Variants in COL6A1 observed in about 807,000 individuals in gnomAD.
The protein encoded by COL6A1 is collagen alpha-1(VI) chain.
Under a neutral mutation model 145.6 loss-of-function variants are expected in COL6A1, and 80 were observed. That is an observed-to-expected ratio of 0.55 (90% confidence interval 0.46 to 0.66). The LOEUF is 0.66. COL6A1 is among the 30% of genes least tolerant of loss of function. The probability of loss-of-function intolerance (pLI) is 0.00; values close to 1 mark genes in which losing one functional copy is unlikely to be tolerated. For missense variants in COL6A1, 1,364 were observed against 1,473.8 expected, an observed-to-expected ratio of 0.93 and a Z score of 1.22; for synonymous variants, 638 against 622.8, an observed-to-expected ratio of 1.02 and a Z score of -0.36.
rs1223868298 is a variant in COL6A1, at chr21:45,990,997, G to A, written c.1075G>A (p.Gly359Ser). 1.2e-6 allele frequency: 2 copies of A among 1,613,444 alleles called. No individual in the cohort carries two copies. The highest frequency in any genetic ancestry group is 2.2e-5 in the East Asian group (1 of 44,870). ...TCTCCAGGGCATTCAAGGACCCCCTGGCCCCAAGGGAGACCCCGGTGCCTT... is the reference window on the plus strand; with the variant it reads ...TCTCCAGGGCATTCAAGGACCCCCTAGCCCCAAGGGAGACCCCGGTGCCTT... ...PGFDGIQGPP[G>S]PKGDPGAFGL... Residue 359 changes from glycine to serine, a missense_variant, in exon 15 of 35, where the codon GGC (glycine) becomes AGC (serine). Physicochemically the swap from Gly to Ser is moderately conservative, Grantham distance 56. Around this residue, in one of 3 missense-constraint regions of COL6A1, gnomAD observed 938 missense variants for 1,003.8 expected, o/e 0.93. Transcript: ENST00000361866.
chr21:45,992,434 C>G (rs1183679245), intron 18 of COL6A1, 36 bp downstream of exon 18: 1 of 1,608,264 alleles, frequency 6.2e-7, no homozygotes, highest in South Asian at 1.1e-5. Context: ...CTGTTGGCCT[C>G]ACCATGTAGC....
At position 46,003,158 on chromosome 21, in the gene COL6A1, C is replaced by G. The variant is rs368651226; in HGVS notation, c.2464+9C>G. The G allele has an allele frequency of 1.9e-6, 3 of 1,614,020 alleles. No individual in the cohort carries two copies. Among genetic ancestry groups the G allele is most frequent in the Non-Finnish European group, 2.5e-6 (3 of 1,179,968 alleles). On this transcript the variant is annotated intron_variant, in intron 34 of 34. Transcript: ENST00000361866. ...AGATTACACCTGCCCCAGTGAGTAC[C>G]TCGGCGGCCGGGACACGTGGGGAGG... is the stretch of plus-strand genomic sequence containing the variant.
chr21:45,998,364 A>G (rs755651753), intron 23 of COL6A1, 34 bp from the exon 24 acceptor site: 4 of 1,612,932 alleles, frequency 2.5e-6, no homozygotes. Context: ...CTCAAATCAG[A>G]ACCCGGTATC....
At chr21:46,000,856 T>C in intron 29 of COL6A1, 89 bp downstream of exon 29, 1 of 1,473,158 alleles carries the variant, frequency 6.8e-7, no homozygotes, top group South Asian at 1.1e-5. Context: ...GGACAGCACA[T>C]GGCACTCTGG....
At position 45,997,773 on chromosome 21, in the gene COL6A1, A is replaced by G; in HGVS notation, c.1524+11A>G. On this transcript the variant is annotated intron_variant, in intron 22 of 34. Transcript: ENST00000361866. ...CTGATGGGTGAAAGGGTGAGTGTCC[A>G]ACAGCTCGGGCCCTAGGGCGGAGGC... The G allele has an allele frequency of 1.3e-6, 2 of 1,580,732 alleles. No homozygotes were observed. The highest frequency in any genetic ancestry group is 1.8e-5 in the Admixed American group (1 of 55,758).
At chr21:46,000,007 C>CATGGAGGG (rs1569518948) in intron 27 of COL6A1, among the ~76,000 whole-genome samples, 1 of 2,426 alleles carries the variant, frequency 4.1e-4, no homozygotes, top group African/African-American at 1.4e-3. Context: ...CATGGGGGAC[C>CATGGAGGG]CGTGAGGATC....
At chr21:45,996,645 G>GGCCAGGTGGGCCGGGCGA (rs2077806304) in intron 20 of COL6A1, among the ~76,000 whole-genome samples, 1 of 152,186 alleles carries the variant, frequency 6.6e-6, no homozygotes, top group Admixed American at 6.5e-5. Flanking sequence ...GGGCCAGGTG[G>GGCCAGGTGGGCCGGGCGA]GCCAGGTGGG....
Position 46,001,677 on chromosome 21 carries a change from A to G in COL6A1, c.1957-284A>G, listed in dbSNP as rs142763700. On this transcript the variant is annotated intron_variant, in intron 30 of 34. Coordinates refer to ENST00000361866, the MANE Select transcript of COL6A1 (RefSeq NM_001848.3). Reference sequence around the variant, plus strand: ...GGGTGTGGGCTTGTCCCTCGTGGACAGAACCCAGGAGGGCTTCATCCACCA... The same window carrying G: ...GGGTGTGGGCTTGTCCCTCGTGGACGGAACCCAGGAGGGCTTCATCCACCA... 3.6e-3 allele frequency among the ~76,000 whole-genome samples: 542 copies of G among 152,304 alleles called. 6 individuals carry two copies. The highest frequency in any genetic ancestry group is 0.012 in the African/African-American group (514 of 41,574).
chr21:45,987,392 C>G (rs2077745627), intron 6 of COL6A1, 107 bp from the exon 7 acceptor site: 1 of 1,537,794 alleles, frequency 6.5e-7, no homozygotes, highest in African/African-American at 1.4e-5. Flanking sequence ...CCTGTGCGTC[C>G]ATCCGTGTGT....
Position 46,004,239 on chromosome 21 carries a change from C to G in COL6A1, c.*226C>G. 1 of 618,578 alleles carries G rather than the reference C, an allele frequency of 1.6e-6. No individual in the cohort carries two copies. The allele number at this position is 618,578 out of a possible 1,614,324, so 38.3% of individuals were successfully genotyped here. A position where few individuals can be genotyped will look rare whatever the true frequency, so the allele number is the denominator to read the frequency against. On this transcript the variant is annotated 3_prime_UTR_variant, in exon 35 of 35. Coordinates refer to ENST00000361866, the MANE Select transcript of COL6A1 (RefSeq NM_001848.3). Reference sequence around the variant, plus strand: ...CTGCGCAGGGCCCTCTGGGGCTCAGCCCTGAGCTAGTGTCACCTGCACAGG... The same window carrying G: ...CTGCGCAGGGCCCTCTGGGGCTCAGGCCTGAGCTAGTGTCACCTGCACAGG...
At position 46,003,901 on chromosome 21, in the gene COL6A1, C is replaced by T. The variant is rs1316734507; in HGVS notation, c.2975C>T (p.Ala992Val). 27 of 1,602,844 alleles carry T rather than the reference C, an allele frequency of 1.7e-5. No homozygotes were observed. Among genetic ancestry groups the T allele is most frequent in the Non-Finnish European group, 2.1e-5 (25 of 1,172,506 alleles). ...HIRVLVTGKT[A>V]EYDVAYGESH... ...CGCGTCCTGGTCACCGGCAAGACGG[C>T]CGAGTACGACGTGGCCTACGGCGAG... Residue 992 changes from alanine (A) to valine (V), a missense_variant, in exon 35 of 35, where the codon GCC (alanine) becomes GTC (valine). By Grantham distance (64) the Ala-to-Val change is moderately conservative (BLOSUM62 0). Around this residue, in one of 3 missense-constraint regions of COL6A1, gnomAD observed 938 missense variants for 1,003.8 expected, o/e 0.93. Transcript: ENST00000361866.
At chr21:45,991,137 T>C in intron 15 of COL6A1, 96 bp downstream of exon 15, 3 of 1,399,134 alleles carry the variant, frequency 2.1e-6, no homozygotes, top group Non-Finnish European at 2.0e-6. Context: ...GGTCCGAGCA[T>C]GTCGGCCACC....
At chr21:45,989,234 C>T in intron 9 of COL6A1, 97 bp downstream of exon 9, 1 of 1,318,344 alleles carries the variant, frequency 7.6e-7, no homozygotes, top group Non-Finnish European at 1.1e-6. Flanking sequence ...GTTCTGAGTG[C>T]CAAAGTCACA....
In COL6A1 at chr21:46,002,080, C is replaced by T. The variant is rs767948463; in HGVS notation, c.2066+10C>T. On this transcript the variant is annotated intron_variant, in intron 31 of 34. Transcript: ENST00000361866. ...TGCAGGAGCTCAAGGAGTGAGTGCC[C>T]CACGCGGCCAGGACCCTCCCACCCC... 6.2e-7 allele frequency: 1 copy of T among 1,606,210 alleles called. No homozygotes were observed. The highest frequency in any genetic ancestry group is 8.5e-7 in the Non-Finnish European group (1 of 1,177,562).
chr21:45,999,022 G>C (rs551124733), intron 25 of COL6A1, 63 bp downstream of exon 25: 2 of 1,547,762 alleles, frequency 1.3e-6, no homozygotes, highest in East Asian at 4.9e-5. Context: ...CTGGGCCCTT[G>C]AAGGGCAGTG....
At chr21:46,003,179 G>C in intron 34 of COL6A1, 30 bp downstream of exon 34, 2 of 1,614,002 alleles carry the variant, frequency 1.2e-6, no homozygotes, top group Non-Finnish European at 1.7e-6. Flanking sequence ...GGACACGTGG[G>C]GAGGAGGGCA....
chr21:45,997,731 C>A lies in COL6A1; in HGVS notation c.1493C>A (p.Pro498His). The A allele has an allele frequency of 6.3e-7, 1 of 1,596,094 alleles. No individual in the cohort carries two copies. The highest frequency in any genetic ancestry group is 8.5e-7 in the Non-Finnish European group (1 of 1,171,458). The part of the protein sequence containing the change: ...GARGAPGPAG[P>H]PGDPGLMGER... Reference sequence around the variant, plus strand: ...AGAGGAGCCCCAGGACCTGCCGGACCCCCTGGAGACCCGGGGCTGATGGGT... The same window carrying A: ...AGAGGAGCCCCAGGACCTGCCGGACACCCTGGAGACCCGGGGCTGATGGGT... Residue 498 changes from proline (P) to histidine (H), a missense_variant, in exon 22 of 35, where the codon CCC (proline) becomes CAC (histidine). Around this residue, in one of 3 missense-constraint regions of COL6A1, gnomAD observed 938 missense variants for 1,003.8 expected, o/e 0.93. Coordinates refer to ENST00000361866, the MANE Select transcript of COL6A1 (RefSeq NM_001848.3).
intron 31 of COL6A1, 45 bp downstream of exon 31, chr21:46,002,115 C>T: frequency 1.9e-6 from 3 of 1,586,192 alleles, no homozygotes; most frequent in Non-Finnish European, 2.6e-6. Context: ...CTCGCCCCGA[C>T]CGCTGTTCCC....
In COL6A1 at chr21:45,994,316, G is replaced by C; in HGVS notation, c.1398+87G>C. 1 of 1,268,612 alleles carries C rather than the reference G, an allele frequency of 7.9e-7. No individual in the cohort carries two copies. Among genetic ancestry groups the C allele is most frequent in the Non-Finnish European group, 1.1e-6 (1 of 889,330 alleles). 78.6% of individuals were successfully genotyped at this position (1,268,612 alleles called of 1,614,324 possible). A position where few individuals can be genotyped will look rare whatever the true frequency, so the allele number is the denominator to read the frequency against. On this transcript the variant is annotated intron_variant, in intron 20 of 34. Coordinates refer to ENST00000361866, the MANE Select transcript of COL6A1 (RefSeq NM_001848.3). The surrounding 1 kb of genome is among the most constrained non-coding windows in gnomAD (Gnocchi z 6.8). The stretch of plus-strand genomic sequence containing the variant: ...CCAGCAGCTCACGCACTGGGGGTCT[G>C]TTCATTTCCGTTTGAGGGCCTCTGT...
Sources: allele counts gnomAD v4.1 joint callset (sites outside exome capture counted in the v4.1 genomes callset), GRCh38; gene constraint gnomAD v4.1.1; regional missense constraint gnomAD v4.1.1; non-coding constraint Gnocchi (gnomAD v3.1); transcripts MANE v1.5; gene names NCBI Gene and HGNC (gene_info 2026-07-23, HGNC 2026-07-21).